Variants in UBA3 observed in about 807,000 individuals in gnomAD.
The protein encoded by UBA3 is NEDD8-activating enzyme E1 catalytic subunit.
In UBA3, 26 loss-of-function variants were observed where a neutral mutation model predicts 73.5. That is an observed-to-expected ratio of 0.35 (90% CI 0.26 to 0.49). The LOEUF (loss-of-function observed/expected upper bound fraction) is 0.49, where lower values mean the gene tolerates loss of function less well. Among genes scored for constraint, UBA3 ranks in the 20% least tolerant of loss-of-function variants. UBA3 has a pLI of 0.98. For synonymous variants in UBA3, 217 were observed against 191.2 expected (o/e 1.13, Z -1.11); for missense variants, 495 against 555.6 (o/e 0.89, Z 1.10).
In UBA3 at chr3:69,075,444, G is replaced by C; in HGVS notation, c.250C>G (p.Leu84Val). The C allele has an allele frequency of 6.5e-7, 1 of 1,548,662 alleles. No individual in the cohort carries two copies. Residue 84 changes from leucine (L) to valine (V), a missense_variant, in exon 4 of 18, where the codon CTC becomes GTC. Coordinates refer to ENST00000361055, the MANE Select transcript of UBA3 (RefSeq NM_003968.4). ...VIGAGGLGCELLKNLALSGFR... is the reference protein window; with the variant it reads ...VIGAGGLGCEVLKNLALSGFR... ...ATATATATTACCAGATTTTTCAGGA[G>C]CTCACATCCTAAGCCGCCAGCTCCA... is the stretch of plus-strand genomic sequence containing the variant.
chr3:69,077,244 A>G (rs1485837614), intron 3 of UBA3: 1 of 152,084 alleles, frequency 6.6e-6, no homozygotes, highest in Non-Finnish European at 1.5e-5. Context: ...ATTTCAAAAT[A>G]CTATCTTTTT....
rs1461141599 is a variant in UBA3 at position 69,057,171 on chromosome 3, A to C, written c.964+85T>G. ...TACACAACCCATCCAAGAAGATATC[A>C]AATTCCTACAACACAAAAAAGCTGC... On this transcript the variant is annotated intron_variant, in intron 12 of 17. Transcript: ENST00000361055. The C allele has an allele frequency of 2.2e-6, 3 of 1,372,374 alleles. No homozygotes were observed. In the African/African-American group the frequency reaches 4.4e-5, roughly 20 times the overall value. The allele number at this position is 1,372,374 out of a possible 1,614,324, so 85.0% of individuals were successfully genotyped here. A position where few individuals can be genotyped will look rare whatever the true frequency, so the allele number is the denominator to read the frequency against.
Position 69,080,216 on chromosome 3 carries a change from G to C in UBA3, c.21-63C>G, listed in dbSNP as rs2092206995. The C allele has an allele frequency of 1.9e-6, 3 of 1,541,494 alleles. No homozygotes were observed. In the Admixed American group the frequency reaches 5.6e-5, roughly 29 times the overall value. On this transcript the variant is annotated intron_variant, in intron 1 of 17. Coordinates refer to ENST00000361055, the MANE Select transcript of UBA3 (RefSeq NM_003968.4). ...ACACACTGGGCGCCGCGAGGGGAGG[G>C]GGGCGAGGGGACGGGGCGGGGGGTG...
chr3:69,071,623 G>T lies in UBA3; in HGVS notation c.265-6C>A, dbSNP rs1375049502. 2.8e-5 allele frequency: 42 copies of T among 1,518,520 alleles called. No individual in the cohort carries two copies. The highest frequency in any genetic ancestry group is 3.7e-5 in the Non-Finnish European group (42 of 1,137,948). The allele number at this position is 1,518,520 out of a possible 1,614,324, so 94.1% of individuals were successfully genotyped here. A position where few individuals can be genotyped will look rare whatever the true frequency, so the allele number is the denominator to read the frequency against. On this transcript the variant is annotated splice_region_variant and splice_polypyrimidine_tract_variant and intron_variant, in intron 4 of 17. Coordinates refer to ENST00000361055, the MANE Select transcript of UBA3 (RefSeq NM_003968.4). ...TGTCTAAAACCAGACAAGGCCTGTG[G>T]GAATAAAAACAATCCAATTAAGCAG...
At position 69,073,692 on chromosome 3, in the gene UBA3, G is replaced by C. The variant is rs569090221; in HGVS notation, c.264+1738C>G. Among the ~76,000 whole-genome samples the C allele has an allele frequency of 2.4e-3, 365 of 150,860 alleles. 1 individual carries two copies. The highest frequency in any genetic ancestry group is 8.4e-3 in the African/African-American group (346 of 40,972). On this transcript the variant is annotated intron_variant, in intron 4 of 17. Coordinates refer to ENST00000361055, the MANE Select transcript of UBA3 (RefSeq NM_003968.4). Reference sequence around the variant, plus strand: ...GCTCTGTTGCCCAGGCTGGAGTGCAGTGGTGTGATCTCGGCTCACTGCAAG... The same window carrying C: ...GCTCTGTTGCCCAGGCTGGAGTGCACTGGTGTGATCTCGGCTCACTGCAAG...
chr3:69,071,441 C>G, intron 5 of UBA3, 94 bp downstream of exon 5: 1 of 677,424 alleles, frequency 1.5e-6, no homozygotes, highest in Non-Finnish European at 2.4e-6. Context: ...ATTATCCTCT[C>G]AAGTCATTTT....
At chr3:69,065,651 A>C (rs1329378412) in intron 6 of UBA3, among the ~76,000 whole-genome samples, 1 of 152,038 alleles carries the variant, frequency 6.6e-6, no homozygotes, top group East Asian at 1.9e-4. Context: ...TTTGTTGCCT[A>C]GGCTGTTCTC....
At chr3:69,066,025 C>G (rs2092068281) in intron 6 of UBA3, among the ~76,000 whole-genome samples, 1 of 152,062 alleles carries the variant, frequency 6.6e-6, no homozygotes, top group Admixed American at 6.6e-5. Context: ...CCATCAGATG[C>G]TTTACAAGTA....
At position 69,061,840 on chromosome 3, in the gene UBA3, C is replaced by G; in HGVS notation, c.884G>C (p.Arg295Thr). ...TTGAGTGAGCCTATACGTAACACCC[C>G]TAATATTATATTGTGATGCTCTCTC... ...SLERASQYNI[R>T]GVTYRLTQGV... The change falls in exon 11 of 18, where the codon AGG becomes ACG. Residue 295 changes from arginine (R) to threonine (T), a missense_variant. Arg to Thr is a moderately conservative substitution (Grantham distance 71, BLOSUM62 -1). Transcript: ENST00000361055. 6.2e-7 allele frequency: 1 copy of G among 1,608,298 alleles called. No homozygotes were observed. The highest frequency in any genetic ancestry group is 8.5e-7 in the Non-Finnish European group (1 of 1,177,634).
Position 69,055,408 on chromosome 3 carries a change from A to G in UBA3, c.*29T>C, listed in dbSNP as rs368619298. On this transcript the variant is annotated 3_prime_UTR_variant, in exon 18 of 18. Transcript: ENST00000361055. The stretch of plus-strand genomic sequence containing the variant: ...AGCATCCACAAAGTATATTATTTCC[A>G]TGAGTTTTCTATTATGTGGAGATTT... The G allele has an allele frequency of 5.1e-5, 70 of 1,372,982 alleles. No individual in the cohort carries two copies. Among genetic ancestry groups the G allele is most frequent in the Admixed American group, 1.1e-4 (4 of 36,008 alleles). The allele number at this position is 1,372,982 out of a possible 1,614,324, so 85.0% of individuals were successfully genotyped here.
chr3:69,080,281 G>C, intron 1 of UBA3, 53 bp downstream of exon 1: 3 of 1,597,300 alleles, frequency 1.9e-6, no homozygotes, highest in Non-Finnish European at 2.6e-6. Context: ...CCACCGCCGC[G>C]CTCTCTCACA....
At chr3:69,065,451 C>T (rs2092062293) in intron 6 of UBA3, among the ~76,000 whole-genome samples, 1 of 152,134 alleles carries the variant, frequency 6.6e-6, no homozygotes, top group Admixed American at 6.5e-5. Context: ...CATTTAAACA[C>T]ACATAGATTT....
At chr3:69,057,380 T>C (rs2091983328) in intron 11 of UBA3, 71 bp from the exon 12 acceptor site, 1 of 1,371,734 alleles carries the variant, frequency 7.3e-7, no homozygotes, top group East Asian at 2.4e-5. Context: ...TTAGAAGGCA[T>C]GATTATTAAA....
chr3:69,056,344 G>A, intron 14 of UBA3, 61 bp from the exon 15 acceptor site: 1 of 1,294,562 alleles, frequency 7.7e-7, no homozygotes, highest in Non-Finnish European at 1.1e-6. Flanking sequence ...TCTCTTTTAT[G>A]AACAATAAAA....
At chr3:69,067,875 A>G in intron 6 of UBA3, 53 bp downstream of exon 6, 1 of 1,374,008 alleles carries the variant, frequency 7.3e-7, no homozygotes, top group Non-Finnish European at 1.0e-6. Context: ...CTCTTATAAT[A>G]AAGGAAAAAA....
intron 11 of UBA3, among the ~76,000 whole-genome samples, chr3:69,059,781 G>T (rs962050825): frequency 6.6e-6 from 1 of 152,064 alleles, no homozygotes; most frequent in African/African-American, 2.4e-5. Context: ...GCTCATTCTG[G>T]TGAACCTGGT....
chr3:69,064,703 C>T (rs1424827292), intron 6 of UBA3, among the ~76,000 whole-genome samples: 1 of 152,086 alleles, frequency 6.6e-6, no homozygotes, highest in South Asian at 2.1e-4. Context: ...CCAGTCTTCC[C>T]ATCCCTGGAG....
chr3:69,066,990 A>G (rs1182270086), intron 6 of UBA3, among the ~76,000 whole-genome samples: 1 of 152,186 alleles, frequency 6.6e-6, no homozygotes, highest in Non-Finnish European at 1.5e-5. Context: ...GGATTACTAT[A>G]GCTATATAAG....
intron 11 of UBA3, among the ~76,000 whole-genome samples, chr3:69,057,928 T>TTC (rs1553682415): frequency 2.1e-5 from 3 of 144,414 alleles, no homozygotes; most frequent in Non-Finnish European, 4.5e-5. Context: ...ATTTTTCTTT[T>TTC]TTTTTTTTTT....
Sources: gnomAD v4.1 joint callset for allele counts (sites outside exome capture counted in the v4.1 genomes callset) on GRCh38, gnomAD v4.1.1 for gene constraint, MANE v1.5 for transcripts, NCBI Gene and HGNC (gene_info 2026-07-23, HGNC 2026-07-21) for gene names.